The following ASTN2 variants were observed in gnomAD, a reference collection of about 807,000 sequenced individuals.
The protein encoded by ASTN2 is astrotactin 2, also known as astrotactin-2.
A neutral mutation model predicts 139.8 loss-of-function variants in ASTN2; 54 were observed. The observed-to-expected ratio is 0.39, with a 90% CI of 0.31 to 0.48. The LOEUF (loss-of-function observed/expected upper bound fraction) is 0.48, where lower values mean the gene tolerates loss of function less well. ASTN2 is among the 20% of genes least tolerant of loss of function. The pLI, the probability that ASTN2 is intolerant of heterozygous loss-of-function variation, is 0.95. For missense variants in ASTN2, 1,565 were observed against 1,725.1 expected, an observed-to-expected ratio of 0.91 and a Z score of 1.64; for synonymous variants, 756 against 719.5, an observed-to-expected ratio of 1.05 and a Z score of -0.81.
chr9:116,710,227 T>C (rs1196210117), intron 16 of ASTN2, among the ~76,000 whole-genome samples: 1 of 152,046 alleles, frequency 6.6e-6, no homozygotes, highest in Non-Finnish European at 1.5e-5. Context: ...TCTCAAACCA[T>C]GTTTGGACCT....
chr9:117,195,403 C>A (rs966339513), intron 3 of ASTN2, among the ~76,000 whole-genome samples: 3 of 152,164 alleles, frequency 2.0e-5, no homozygotes, highest in African/African-American at 4.8e-5. Context: ...TGGAGGGCAA[C>A]TTTAAGTTGG....
chr9:116,913,887 T>C (rs1231739190), intron 10 of ASTN2, among the ~76,000 whole-genome samples: 2 of 151,620 alleles, frequency 1.3e-5, no homozygotes, highest in Admixed American at 1.3e-4. Context: ...GGCACATGAC[T>C]TTGGAAGAAT....
At chr9:116,739,372 C>A (rs1253946383) in intron 13 of ASTN2, among the ~76,000 whole-genome samples, 1 of 152,152 alleles carries the variant, frequency 6.6e-6, no homozygotes, top group Non-Finnish European at 1.5e-5. Context: ...GCCACAGCCC[C>A]CTGGGCCACT....
chr9:116,714,512 C>T (rs1236541926), intron 16 of ASTN2, among the ~76,000 whole-genome samples: 1 of 152,178 alleles, frequency 6.6e-6, no homozygotes, highest in Admixed American at 6.5e-5. Context: ...GCAGTAATCA[C>T]TTTACAAACA....
At chr9:116,730,086 ACT>A (rs1334371257) in intron 14 of ASTN2, among the ~76,000 whole-genome samples, 1 of 152,164 alleles carries the variant, frequency 6.6e-6, no homozygotes, top group Non-Finnish European at 1.5e-5. Flanking sequence ...AGCTTTGCAA[ACT>A]CTCTTTTTTA....
intron 20 of ASTN2, among the ~76,000 whole-genome samples, chr9:116,483,091 G>A (rs1849225507): frequency 6.6e-6 from 1 of 152,344 alleles, no homozygotes; most frequent in Middle Eastern, 3.4e-3. Flanking sequence ...TGGATGCCCA[G>A]CCAGGCCTGA....
rs754180619 is a variant in ASTN2 at position 116,442,517 on chromosome 9, G to A, written c.3534C>T (p.His1178=). 2 of 1,614,170 alleles carry A rather than the reference G, an allele frequency of 1.2e-6. No homozygotes were observed. The highest frequency in any genetic ancestry group is 1.7e-5 in the Admixed American group (1 of 60,020). The change falls in exon 21 of 23, where the codon CAC becomes CAT. Residue 1178 remains histidine (H), a synonymous_variant. Coordinates refer to ENST00000313400, the MANE Select transcript of ASTN2 (RefSeq NM_001365068.1). ...TCAGGGTCACCGTGCTTAGCTCTGA[G>A]TGCCTCCCTCGTGTATCCACAGCAT... ...TLYAVDTRGR[H]SELSTVTLRT... is the part of the protein sequence containing the mutation.
chr9:116,532,536 G>C (rs907760204), intron 19 of ASTN2, among the ~76,000 whole-genome samples: 3 of 152,160 alleles, frequency 2.0e-5, no homozygotes, highest in Admixed American at 2.0e-4. Flanking sequence ...ATTAATTTTT[G>C]TATAAGGTGT....
At chr9:117,397,919 T>C (rs1830718727) in intron 1 of ASTN2, among the ~76,000 whole-genome samples, 1 of 152,192 alleles carries the variant, frequency 6.6e-6, no homozygotes. Context: ...CCCGACAGGT[T>C]GTAATAACTA....
At chr9:116,814,563 A>G (rs1350598926) in intron 12 of ASTN2, among the ~76,000 whole-genome samples, 1 of 152,184 alleles carries the variant, frequency 6.6e-6, no homozygotes, top group Non-Finnish European at 1.5e-5. Context: ...AGGAAAAAAA[A>G]AAGACTGCCA....
At chr9:117,011,380 G>T (rs1323942435) in intron 6 of ASTN2, among the ~76,000 whole-genome samples, 6 of 152,192 alleles carry the variant, frequency 3.9e-5, no homozygotes, top group Non-Finnish European at 7.3e-5. Flanking sequence ...ACTCCAGAGA[G>T]TTCCCTCACT....
chr9:116,516,163 A>G (rs1382955539), intron 19 of ASTN2, among the ~76,000 whole-genome samples: 1 of 152,172 alleles, frequency 6.6e-6, no homozygotes, highest in Non-Finnish European at 1.5e-5. Context: ...CTTCCAGGGG[A>G]ATGTGACTTG....
At position 117,016,646 on chromosome 9, in the gene ASTN2, A is replaced by AGGT. The variant is rs1564386008; in HGVS notation, c.1424-8388_1424-8387insACC. Reference sequence around the variant, plus strand: ...TATCTATATATATATATATATATATATATATATATAACCTATATATATGTT... The same window carrying AGGT: ...TATCTATATATATATATATATATATAGGTTATATATATAACCTATATATATGTT... On this transcript the variant is annotated intron_variant, in intron 6 of 22. Coordinates refer to ENST00000313400, the MANE Select transcript of ASTN2 (RefSeq NM_001365068.1). Among the ~76,000 whole-genome samples, 741 of 102,400 alleles carry AGGT rather than the reference A, an allele frequency of 7.2e-3. 94 individuals are homozygous for AGGT. Among genetic ancestry groups the AGGT allele is most frequent in the African/African-American group, 0.026 (613 of 23,890 alleles). The allele number at this position is 102,400 out of a possible 152,430, so 67.2% of individuals were successfully genotyped here.
At chr9:116,529,110 A>C (rs62574376) in intron 19 of ASTN2, among the ~76,000 whole-genome samples, 27,416 of 152,000 alleles carry the variant, frequency 0.18, 2,853 homozygotes, top group African/African-American at 0.28. Context: ...CAGAATAGTA[A>C]ATCCATCAAC....
At chr9:116,528,394 A>G (rs1392088098) in intron 19 of ASTN2, among the ~76,000 whole-genome samples, 5 of 152,210 alleles carry the variant, frequency 3.3e-5, no homozygotes, top group Admixed American at 2.0e-4. Context: ...AGCATTCAAG[A>G]AATGACCTGA....
intron 10 of ASTN2, among the ~76,000 whole-genome samples, chr9:116,933,203 T>A (rs1024320037): frequency 6.6e-6 from 1 of 151,886 alleles, no homozygotes; most frequent in Non-Finnish European, 1.5e-5. Context: ...TTACAGACAT[T>A]CAAAAAGAAA....
At chr9:116,759,090 C>A (rs905607408) in intron 13 of ASTN2, among the ~76,000 whole-genome samples, 1 of 152,178 alleles carries the variant, frequency 6.6e-6, no homozygotes, top group East Asian at 1.9e-4. Flanking sequence ...GTTGCCCAGG[C>A]TGGTCTCTAA....
At chr9:116,495,208 A>G in intron 19 of ASTN2, among the ~76,000 whole-genome samples, 1 of 152,230 alleles carries the variant, frequency 6.6e-6, no homozygotes, top group East Asian at 1.9e-4. Context: ...CTTCAGGCTC[A>G]TCCTCATGCC....
chr9:117,382,868 T>C (rs1215673309), intron 1 of ASTN2, among the ~76,000 whole-genome samples: 1 of 152,070 alleles, frequency 6.6e-6, no homozygotes, highest in Admixed American at 6.6e-5. Context: ...GTGTGAACCA[T>C]CCATATACAC....
Sources: allele counts gnomAD v4.1 joint callset (sites outside exome capture counted in the v4.1 genomes callset), GRCh38; gene constraint gnomAD v4.1.1; transcripts MANE v1.5; gene names NCBI Gene and HGNC (gene_info 2026-07-23, HGNC 2026-07-21).